Variants in HAPLN1 observed in about 807,000 individuals in gnomAD.
HAPLN1 encodes Cartilage link protein.
Under a neutral mutation model 36.5 loss-of-function variants are expected in HAPLN1, and 13 were observed. The observed-to-expected ratio is 0.36, with a 90% CI of 0.23 to 0.57. The LOEUF is 0.57. Among genes scored for constraint, HAPLN1 ranks in the 20% least tolerant of loss-of-function variants. HAPLN1 has a pLI of 0.83. For synonymous variants in HAPLN1, 202 were observed against 169.8 expected (o/e 1.19, Z -1.48); for missense variants, 407 against 439.7 (o/e 0.93, Z 0.66).
intron 1 of HAPLN1, among the ~76,000 whole-genome samples, chr5:83,710,499 G>A (rs58439725): frequency 0.016 from 2,399 of 152,138 alleles, 58 homozygotes; most frequent in African/African-American, 0.055. Context: ...AGTAAGTTGA[G>A]GAGAGGATGG....
intron 3 of HAPLN1, among the ~76,000 whole-genome samples, chr5:83,645,976 G>A (rs1473242463): frequency 6.6e-6 from 1 of 152,136 alleles, no homozygotes; most frequent in Non-Finnish European, 1.5e-5. Context: ...TAAATATTTT[G>A]AGGACAAAAG....
intron 1 of HAPLN1, among the ~76,000 whole-genome samples, chr5:83,703,912 T>C (rs919800517): frequency 1.3e-5 from 2 of 151,734 alleles, no homozygotes; most frequent in African/African-American, 2.4e-5. Flanking sequence ...TGCAAGTTTC[T>C]ACACAAAAAG....
intron 2 of HAPLN1, among the ~76,000 whole-genome samples, chr5:83,657,773 G>A (rs17284608): frequency 0.27 from 40,441 of 150,642 alleles, 5,545 homozygotes; most frequent in South Asian, 0.36. Flanking sequence ...AACTAGACTC[G>A]AGACTTTTGG....
intron 1 of HAPLN1, among the ~76,000 whole-genome samples, chr5:83,708,473 A>T (rs1331843198): frequency 2.0e-5 from 3 of 152,206 alleles, no homozygotes; most frequent in Non-Finnish European, 4.4e-5. Context: ...AGAAAACCAA[A>T]TACTATATGT....
At chr5:83,706,500 T>C (rs1751655595) in intron 1 of HAPLN1, among the ~76,000 whole-genome samples, 1 of 152,216 alleles carries the variant, frequency 6.6e-6, no homozygotes, top group South Asian at 2.1e-4. Flanking sequence ...TCTCAATAGA[T>C]GCAGAAAAGG....
intron 2 of HAPLN1, among the ~76,000 whole-genome samples, chr5:83,658,486 T>G (rs1580128715): frequency 6.6e-6 from 1 of 152,188 alleles, no homozygotes; most frequent in African/African-American, 2.4e-5. Flanking sequence ...AAACACTTTA[T>G]AAAAACAGTT....
At chr5:83,665,327 A>AT (rs1750522674) in intron 2 of HAPLN1, among the ~76,000 whole-genome samples, 1 of 152,222 alleles carries the variant, frequency 6.6e-6, no homozygotes, top group South Asian at 2.1e-4. Flanking sequence ...CTTGTAATGT[A>AT]TAAGGCTACA....
At chr5:83,662,844 G>A (rs1159727063) in intron 2 of HAPLN1, among the ~76,000 whole-genome samples, 1 of 152,224 alleles carries the variant, frequency 6.6e-6, no homozygotes, top group African/African-American at 2.4e-5. Context: ...GAATGACACT[G>A]TTGGTTGTAT....
chr5:83,662,842 C>T (rs1561307299), intron 2 of HAPLN1, among the ~76,000 whole-genome samples: 1 of 152,184 alleles, frequency 6.6e-6, no homozygotes, highest in Non-Finnish European at 1.5e-5. Context: ...TAGAATGACA[C>T]TGTTGGTTGT....
chr5:83,649,173 GA>G (rs1749972878), intron 3 of HAPLN1, among the ~76,000 whole-genome samples: 2 of 152,160 alleles, frequency 1.3e-5, no homozygotes, highest in African/African-American at 2.4e-5. Flanking sequence ...GAAGCTGGAT[GA>G]TGATATATGG....
intron 1 of HAPLN1, among the ~76,000 whole-genome samples, chr5:83,700,686 AC>A (rs1274481971): frequency 2.7e-5 from 4 of 149,906 alleles, no homozygotes; most frequent in Non-Finnish European, 5.9e-5. Flanking sequence ...CTAATGCACT[AC>A]CATTCATAAT....
chr5:83,693,590 C>T (rs1348227233), intron 1 of HAPLN1, among the ~76,000 whole-genome samples: 1 of 151,470 alleles, frequency 6.6e-6, no homozygotes, highest in Admixed American at 6.6e-5. Context: ...TTAAGATAAT[C>T]TAAATAAGAA....
At chr5:83,708,657 C>T (rs1751705650) in intron 1 of HAPLN1, among the ~76,000 whole-genome samples, 2 of 152,010 alleles carry the variant, frequency 1.3e-5, no homozygotes, top group African/African-American at 2.4e-5. Context: ...CAACTAACCC[C>T]CATGACACCA....
intron 1 of HAPLN1, among the ~76,000 whole-genome samples, chr5:83,702,620 A>G (rs891603993): frequency 6.6e-6 from 1 of 152,160 alleles, no homozygotes; most frequent in Non-Finnish European, 1.5e-5. Flanking sequence ...GATTTTTGGC[A>G]TTTCTTAAAG....
At chr5:83,691,629 G>A (rs966106715) in intron 1 of HAPLN1, among the ~76,000 whole-genome samples, 2 of 151,866 alleles carry the variant, frequency 1.3e-5, no homozygotes, top group Admixed American at 1.3e-4. Flanking sequence ...TCTGAACAAC[G>A]TATAGTAATA....
chr5:83,691,014 A>G (rs1014668737), intron 1 of HAPLN1, among the ~76,000 whole-genome samples: 11 of 152,086 alleles, frequency 7.2e-5, no homozygotes, highest in African/African-American at 2.4e-4. Context: ...TCAAACAACT[A>G]AAAAGATAAT....
chr5:83,639,282 GT>G lies in HAPLN1; in HGVS notation c.*2213del, dbSNP rs905921457. 3 of 152,014 alleles carry G rather than the reference GT, an allele frequency of 2.0e-5. No individual in the cohort carries two copies. Among genetic ancestry groups the G allele is most frequent in the African/African-American group, 2.4e-5 (1 of 41,528 alleles). The allele number at this position is 152,014 out of a possible 1,614,324, so 9.4% of individuals were successfully genotyped here. A position where few individuals can be genotyped will look rare whatever the true frequency, so the allele number is the denominator to read the frequency against. ...AGTATTCACTGTGTTAAGATTTTTT[GT>G]TTTTTACACGAATGGAAAAATGATG... On this transcript the variant is annotated 3_prime_UTR_variant, in exon 5 of 5. Coordinates refer to ENST00000274341, the MANE Select transcript of HAPLN1 (RefSeq NM_001884.4).
At chr5:83,698,130 G>C (rs1327848220) in intron 1 of HAPLN1, among the ~76,000 whole-genome samples, 1 of 152,000 alleles carries the variant, frequency 6.6e-6, no homozygotes, top group African/African-American at 2.4e-5. Flanking sequence ...GTCTTCAAAA[G>C]TTTTATAGTT....
chr5:83,706,099 C>A (rs1301776304), intron 1 of HAPLN1, among the ~76,000 whole-genome samples: 1 of 125,738 alleles, frequency 8.0e-6, no homozygotes, highest in Non-Finnish European at 1.6e-5. Context: ...AATAGCCTAC[C>A]AATCGAAAAA....
Sources: allele counts gnomAD v4.1 joint callset (sites outside exome capture counted in the v4.1 genomes callset), GRCh38; gene constraint gnomAD v4.1.1; transcripts MANE v1.5; gene names NCBI Gene and HGNC (gene_info 2026-07-23, HGNC 2026-07-21).